BLTP3B: variants seen among roughly 807,000 people sequenced by gnomAD.
The protein encoded by BLTP3B is bridge-like lipid transfer protein family member 3B.
At chr12:100,125,733 T>C in the BLTP3B span, among the ~76,000 whole-genome samples, 2 of 152,208 alleles carry the variant, frequency 1.3e-5, no homozygotes, top group Non-Finnish European at 2.9e-5. Context: ...TAGCAAAAAC[T>C]GAGTGCCTAC....
At chr12:100,106,192 A>G in the BLTP3B span, among the ~76,000 whole-genome samples, 5 of 152,172 alleles carry the variant, frequency 3.3e-5, no homozygotes, top group South Asian at 2.1e-4. Flanking sequence ...CGATCCAGCA[A>G]TCCCACTACC....
chr12:100,095,542 T>A, the BLTP3B span: 2 of 1,023,282 alleles, frequency 2.0e-6, no homozygotes, highest in Non-Finnish European at 2.8e-6. Context: ...GATATCTAGA[T>A]AAAGAAGATT....
At chr12:100,107,171 C>G in the BLTP3B span, among the ~76,000 whole-genome samples, 2 of 150,894 alleles carry the variant, frequency 1.3e-5, no homozygotes, top group Non-Finnish European at 2.9e-5. Context: ...GCCTATAATT[C>G]CAGCTACTTG....
At chr12:100,068,402 A>G in the BLTP3B span, among the ~76,000 whole-genome samples, 1 of 152,238 alleles carries the variant, frequency 6.6e-6, no homozygotes, top group Admixed American at 6.5e-5. Flanking sequence ...ATTCTAGAAG[A>G]TAACATTGGA....
At chr12:100,048,276 T>G in the BLTP3B span, 2 of 1,424,670 alleles carry the variant, frequency 1.4e-6, no homozygotes, top group South Asian at 3.1e-5. Flanking sequence ...TACATTAAAA[T>G]AATACTAGTT....
the BLTP3B span, among the ~76,000 whole-genome samples, chr12:100,096,754 G>A: frequency 3.3e-5 from 5 of 151,956 alleles, no homozygotes; most frequent in Non-Finnish European, 7.4e-5. Context: ...CCAGGAGTTC[G>A]AGGCTGCAGT....
chr12:100,081,845 GTTA>G, the BLTP3B span, among the ~76,000 whole-genome samples: 1 of 152,166 alleles, frequency 6.6e-6, no homozygotes, highest in African/African-American at 2.4e-5. Context: ...CCATGACTTT[GTTA>G]TTGTGAATAG....
the BLTP3B span, among the ~76,000 whole-genome samples, chr12:100,067,580 AAC>A: frequency 6.6e-6 from 1 of 152,168 alleles, no homozygotes; most frequent in East Asian, 1.9e-4. Flanking sequence ...TATACTAGAA[AAC>A]CTACAAGAGA....
chr12:100,098,939 C>A, the BLTP3B span, among the ~76,000 whole-genome samples: 1 of 114,686 alleles, frequency 8.7e-6, no homozygotes, highest in Non-Finnish European at 1.7e-5. Context: ...GATAGACAGA[C>A]AGACACATAG....
At chr12:100,074,680 A>G in the BLTP3B span, among the ~76,000 whole-genome samples, 18,245 of 151,962 alleles carry the variant, frequency 0.12, 2,077 homozygotes, top group East Asian at 0.59. Context: ...CATTTTGCAC[A>G]AAATTAGAAA....
the BLTP3B span, among the ~76,000 whole-genome samples, chr12:100,114,725 T>G: frequency 3.3e-5 from 5 of 152,240 alleles, no homozygotes; most frequent in African/African-American, 1.2e-4. Context: ...GTACTTTGGC[T>G]TGGATCACTA....
the BLTP3B span, chr12:100,086,124 T>G: frequency 2.2e-6 from 1 of 458,838 alleles, no homozygotes; most frequent in Non-Finnish European, 3.7e-6. Flanking sequence ...GCAATTCTAC[T>G]TTCTTAATGA....
chr12:100,114,691 T>C, the BLTP3B span, among the ~76,000 whole-genome samples: 1 of 152,224 alleles, frequency 6.6e-6, no homozygotes, highest in African/African-American at 2.4e-5. Flanking sequence ...CAGAAAAACT[T>C]GCCCAAATCT....
At chr12:100,087,074 G>A in the BLTP3B span, among the ~76,000 whole-genome samples, 10 of 146,882 alleles carry the variant, frequency 6.8e-5, no homozygotes, top group South Asian at 2.2e-4. Flanking sequence ...CAGGAGAATC[G>A]CTTGAACCTG....
At chr12:100,084,426 AGAGTG>A in the BLTP3B span, 1 of 1,418,778 alleles carries the variant, frequency 7.0e-7, no homozygotes, top group Non-Finnish European at 9.7e-7. Flanking sequence ...ACACACACAC[AGAGTG>A]CAAACACTCT....
At chr12:100,057,848 G>T in the BLTP3B span, 1 of 1,315,066 alleles carries the variant, frequency 7.6e-7, no homozygotes, top group Non-Finnish European at 1.0e-6. Flanking sequence ...ATCCATAGCT[G>T]AAATTATATT....
the BLTP3B span, among the ~76,000 whole-genome samples, chr12:100,041,130 T>C: frequency 4.6e-5 from 7 of 152,186 alleles, no homozygotes; most frequent in African/African-American, 1.7e-4. Context: ...CTGGGATTTA[T>C]CCCAGGAATG....
the BLTP3B span, chr12:100,104,082 C>A: frequency 3.8e-6 from 2 of 529,840 alleles, no homozygotes; most frequent in Non-Finnish European, 3.1e-6. Context: ...TCTTAAACTA[C>A]AAAATAAACT....
the BLTP3B span, among the ~76,000 whole-genome samples, chr12:100,120,501 A>T: frequency 4.6e-5 from 7 of 152,226 alleles, no homozygotes; most frequent in African/African-American, 1.7e-4. Context: ...AGAAAACTGC[A>T]AATTAAAAAC....
Sources: allele counts gnomAD v4.1 joint callset (sites outside exome capture counted in the v4.1 genomes callset), GRCh38; gene constraint gnomAD v4.1.1; transcripts MANE v1.5; gene names NCBI Gene and HGNC (gene_info 2026-07-23, HGNC 2026-07-21).